The following CNTN2 variants were observed in gnomAD, a reference collection of about 807,000 sequenced individuals.
The protein encoded by CNTN2 is contactin-2.
CNTN2 carries 53 observed loss-of-function variants against 117.5 expected under a neutral mutation model. The observed-to-expected ratio is 0.45, with a 90% CI of 0.36 to 0.57. The LOEUF (loss-of-function observed/expected upper bound fraction) is 0.57. Among genes scored for constraint, CNTN2 ranks in the 20% least tolerant of loss-of-function variants. The probability of loss-of-function intolerance (pLI) is 0.00; values close to 1 mark genes in which losing one functional copy is unlikely to be tolerated. For missense variants in CNTN2, 1,106 were observed against 1,404.3 expected (o/e 0.79, Z 3.39); for synonymous variants, 530 against 561.7 (o/e 0.94, Z 0.80).
At chr1:205,047,865 G>A (rs1162616530) in intron 1 of CNTN2, among the ~76,000 whole-genome samples, 4 of 152,162 alleles carry the variant, frequency 2.6e-5, no homozygotes, top group Non-Finnish European at 4.4e-5. Context: ...CCCATGGGGC[G>A]GGTCCTGCCC....
In CNTN2 at chr1:205,066,316, G is replaced by A; in HGVS notation, c.1817-125G>A. 8 of 1,168,140 alleles carry A rather than the reference G, an allele frequency of 6.8e-6. No homozygotes were observed. The South Asian group carries it at 9.2e-5, about 13-fold the overall frequency. 72.4% of individuals were successfully genotyped at this position (1,168,140 alleles called of 1,614,324 possible). Reference sequence around the variant, plus strand: ...CTTGCCCGCCCTCCCGCCTGGGTGTGTGTTCACTGCATCCTCTGCTGCCCT... The same window carrying A: ...CTTGCCCGCCCTCCCGCCTGGGTGTATGTTCACTGCATCCTCTGCTGCCCT... On this transcript the variant is annotated intron_variant, in intron 14 of 22. Coordinates refer to ENST00000331830, the MANE Select transcript of CNTN2 (RefSeq NM_005076.5).
In CNTN2 at chr1:205,061,538, C is replaced by G; in HGVS notation, c.973+118C>G. ...GAGACTGGGAGGCCCCCTGCATGAG[C>G]CTGCTTGCCCTAGGACTGCACTGAG... is the stretch of plus-strand genomic sequence containing the variant. On this transcript the variant is annotated intron_variant, in intron 8 of 22. Coordinates refer to ENST00000331830, the MANE Select transcript of CNTN2 (RefSeq NM_005076.5). This position sits in a 1 kb window ranked among gnomAD's most constrained non-coding sequence, Gnocchi z 4.8. The G allele has an allele frequency of 8.2e-7, 1 of 1,218,728 alleles. No individual in the cohort carries two copies. The highest frequency in any genetic ancestry group is 2.4e-5 in the Admixed American group (1 of 40,856). The allele number at this position is 1,218,728 out of a possible 1,614,324, so 75.5% of individuals were successfully genotyped here.
intron 1 of CNTN2, among the ~76,000 whole-genome samples, chr1:205,046,718 G>C (rs1243724803): frequency 1.3e-5 from 2 of 152,174 alleles, no homozygotes; most frequent in Non-Finnish European, 2.9e-5. Context: ...TTCCTGATTT[G>C]CTTTTTCAGA....
Position 205,058,907 on chromosome 1 carries a change from T to A in CNTN2, c.488-177T>A, listed in dbSNP as rs1421333124. On this transcript the variant is annotated intron_variant, in intron 5 of 22. Coordinates refer to ENST00000331830, the MANE Select transcript of CNTN2 (RefSeq NM_005076.5). The surrounding 1 kb of genome is among the most constrained non-coding windows in gnomAD (Gnocchi z 4.3). ...CTGCGATCCCTGGCAGACTTAGCGC[T>A]CCCTGAGGGCAGGAATAAAGTCACT... The A allele has an allele frequency of 5.8e-6, 4 of 695,478 alleles. No individual in the cohort carries two copies. The allele number at this position is 695,478 out of a possible 1,614,324, so 43.1% of individuals were successfully genotyped here. A position where few individuals can be genotyped will look rare whatever the true frequency, so the allele number is the denominator to read the frequency against.
In CNTN2 at chr1:205,061,422, TAC is replaced by T; in HGVS notation, c.973+4_973+5del. On this transcript the variant is annotated splice_donor_region_variant and intron_variant, in intron 8 of 22. Coordinates refer to ENST00000331830, the MANE Select transcript of CNTN2 (RefSeq NM_005076.5). This position sits in a 1 kb window ranked among gnomAD's most constrained non-coding sequence, Gnocchi z 4.8. The stretch of plus-strand genomic sequence containing the variant: ...TGCAGGGCCGCATCATCGTGCAGGG[TAC>T]AGAGCCAGGGACACCTTCTCCGCCC... 6.2e-7 allele frequency: 1 copy of T among 1,600,832 alleles called. No homozygotes were observed.
Position 205,057,983 on chromosome 1 carries a change from A to C in CNTN2, c.133A>C (p.Ser45Arg). 6.2e-7 allele frequency: 1 copy of C among 1,614,136 alleles called. No homozygotes were observed. Among genetic ancestry groups the C allele is most frequent in the East Asian group, 2.2e-5 (1 of 44,868 alleles). ...GCCTGTCTTTGAAGACCAGCCCCTCAGTGTGCTATTCCCAGAGGAGTCCAC... is the reference window on the plus strand; with the variant it reads ...GCCTGTCTTTGAAGACCAGCCCCTCCGTGTGCTATTCCCAGAGGAGTCCAC... ...FGPVFEDQPL[S>R]VLFPEESTEE... Residue 45 changes from serine (S) to arginine (R), a missense_variant, in exon 3 of 23, where the codon AGT (serine) becomes CGT (arginine). Coordinates refer to ENST00000331830, the MANE Select transcript of CNTN2 (RefSeq NM_005076.5).
At chr1:205,044,817 T>C (rs1485779130) in intron 1 of CNTN2, among the ~76,000 whole-genome samples, 2 of 151,876 alleles carry the variant, frequency 1.3e-5, no homozygotes, top group Non-Finnish European at 2.9e-5. Flanking sequence ...GGCCTGGAGG[T>C]CACAACAGGT....
intron 20 of CNTN2, 105 bp downstream of exon 20, chr1:205,072,238 C>A: frequency 8.3e-7 from 1 of 1,207,678 alleles, no homozygotes; most frequent in Non-Finnish European, 1.2e-6. Context: ...AGCCCACCAG[C>A]TCTGGGCTGA....
chr1:205,056,370 G>A (rs573021022), intron 2 of CNTN2, among the ~76,000 whole-genome samples: 3 of 152,274 alleles, frequency 2.0e-5, no homozygotes, highest in South Asian at 2.1e-4. Context: ...CTTTCCAGCC[G>A]AGATGATGCC....
rs1574647017 is a variant in CNTN2 at position 205,061,508 on chromosome 1, G to A, written c.973+88G>A. 7.0e-7 allele frequency: 1 copy of A among 1,425,946 alleles called. No individual in the cohort carries two copies. Among genetic ancestry groups the A allele is most frequent in the Admixed American group, 2.3e-5 (1 of 43,096 alleles). The allele number at this position is 1,425,946 out of a possible 1,614,324, so 88.3% of individuals were successfully genotyped here. A position where few individuals can be genotyped will look rare whatever the true frequency, so the allele number is the denominator to read the frequency against. ...CCCAAGGAAACAGACCCAAAAGTCA[G>A]GGAGGAGACTGGGAGGCCCCCTGCA... On this transcript the variant is annotated intron_variant, in intron 8 of 22. Transcript: ENST00000331830. The surrounding 1 kb of genome is among the most constrained non-coding windows in gnomAD (Gnocchi z 4.8).
Position 205,059,371 on chromosome 1 carries a change from G to A in CNTN2, c.697+78G>A. 4 of 1,415,212 alleles carry A rather than the reference G, an allele frequency of 2.8e-6. No homozygotes were observed. The highest frequency in any genetic ancestry group is 9.8e-7 in the Non-Finnish European group (1 of 1,024,578). 87.7% of individuals were successfully genotyped at this position (1,415,212 alleles called of 1,614,324 possible). On this transcript the variant is annotated intron_variant, in intron 6 of 22. Transcript: ENST00000331830. The surrounding 1 kb of genome is among the most constrained non-coding windows in gnomAD (Gnocchi z 5.6). ...CATTAGGAAAAGGGTTTTTCCTTTG[G>A]AGATTGGAAGATCAGCTTGCAGGGC...
rs76363579 is a variant in CNTN2 at position 205,055,739 on chromosome 1, C to T, written c.71-2182C>T. Among the ~76,000 whole-genome samples, 10 of 152,270 alleles carry T rather than the reference C, an allele frequency of 6.6e-5. No individual in the cohort carries two copies. In the East Asian group the frequency reaches 1.5e-3, roughly 23 times the overall value. On this transcript the variant is annotated intron_variant, in intron 2 of 22. Transcript: ENST00000331830. ...CCAACCCCCCAGATCCGCTCCTTCT[C>T]GCTGTGGGATCTGGGGCAAGTTATT...
Position 205,076,763 on chromosome 1 carries a change from C to T in CNTN2, c.*2998C>T, listed in dbSNP as rs570487047. 1 of 152,416 alleles carries T rather than the reference C, an allele frequency of 6.6e-6. No homozygotes were observed. Among genetic ancestry groups the T allele is most frequent in the African/African-American group, 2.4e-5 (1 of 41,554 alleles). The allele number at this position is 152,416 out of a possible 1,614,324, so 9.4% of individuals were successfully genotyped here. On this transcript the variant is annotated 3_prime_UTR_variant, in exon 23 of 23. Coordinates refer to ENST00000331830, the MANE Select transcript of CNTN2 (RefSeq NM_005076.5). ...GTTGCTCTAACAGTCCAGATGTACA[C>T]CCAGCCTCAGGGGGAAGGCAGCTCT... is the stretch of plus-strand genomic sequence containing the variant.
Position 205,066,469 on chromosome 1 carries a change from G to A in CNTN2, c.1845G>A (p.Val615=), listed in dbSNP as rs775944788. The A allele has an allele frequency of 8.7e-6, 14 of 1,614,072 alleles. No homozygotes were observed. Among genetic ancestry groups the A allele is most frequent in the Non-Finnish European group, 1.2e-5 (14 of 1,180,042 alleles). The change falls in exon 15 of 23, where the codon GTG becomes GTA. Residue 615 remains valine (V), a synonymous_variant. Transcript: ENST00000331830. ...RGPPGPPGGV[V]VRDIGDTTIQ... Reference sequence around the variant, plus strand: ...CGCCAGGTCCCCCAGGAGGTGTGGTGGTGAGGGACATTGGCGACACCACCA... The same window carrying A: ...CGCCAGGTCCCCCAGGAGGTGTGGTAGTGAGGGACATTGGCGACACCACCA...
At chr1:205,064,887 C>A (rs915657480) in intron 12 of CNTN2, 137 bp downstream of exon 12, 3 of 1,352,786 alleles carry the variant, frequency 2.2e-6, no homozygotes, top group African/African-American at 1.4e-5. Flanking sequence ...CTTGGGACCA[C>A]CCCCTGGCCA....
intron 15 of CNTN2, 106 bp from the exon 16 acceptor site, chr1:205,066,995 C>G (rs2151196428): frequency 7.2e-7 from 1 of 1,394,854 alleles, no homozygotes; most frequent in Non-Finnish European, 9.7e-7. Context: ...ATGGCAAGTA[C>G]CGAAGTGAGG....
At chr1:205,062,263 G>A in intron 9 of CNTN2, 177 bp from the exon 10 acceptor site, 1 of 941,916 alleles carries the variant, frequency 1.1e-6, no homozygotes, top group Non-Finnish European at 1.5e-6. Context: ...GCTTTGGGGA[G>A]GCCTGGGTAA....
At chr1:205,046,665 G>A (rs2096442043) in intron 1 of CNTN2, among the ~76,000 whole-genome samples, 1 of 152,202 alleles carries the variant, frequency 6.6e-6, no homozygotes, top group Non-Finnish European at 1.5e-5. Flanking sequence ...GCAGAGTTGG[G>A]GGACAAGCAG....
rs1485567963 is a variant in CNTN2 at position 205,073,817 on chromosome 1, C to G, written c.*52C>G. On this transcript the variant is annotated 3_prime_UTR_variant, in exon 23 of 23. Coordinates refer to ENST00000331830, the MANE Select transcript of CNTN2 (RefSeq NM_005076.5). The surrounding 1 kb of genome is among the most constrained non-coding windows in gnomAD (Gnocchi z 6.3). ...AGCTGGACGCCACCTCCGACGGACACAGCCAGCCCCTTCCTGCTGCCAAGG... is the reference window on the plus strand; with the variant it reads ...AGCTGGACGCCACCTCCGACGGACAGAGCCAGCCCCTTCCTGCTGCCAAGG... 1.4e-5 allele frequency: 20 copies of G among 1,460,794 alleles called. No individual in the cohort carries two copies. The highest frequency in any genetic ancestry group is 1.6e-5 in the Non-Finnish European group (17 of 1,053,436). 90.5% of individuals were successfully genotyped at this position (1,460,794 alleles called of 1,614,324 possible).
Sources: allele counts gnomAD v4.1 joint callset (sites outside exome capture counted in the v4.1 genomes callset), GRCh38; gene constraint gnomAD v4.1.1; non-coding constraint Gnocchi (gnomAD v3.1); transcripts MANE v1.5; gene names NCBI Gene and HGNC (gene_info 2026-07-23, HGNC 2026-07-21).